The following ILDR1 variants were observed in gnomAD, a reference collection of about 807,000 sequenced individuals.
The protein encoded by ILDR1 is immunoglobulin-like domain-containing receptor 1.
In ILDR1, 56 loss-of-function variants were observed where a neutral mutation model predicts 62.4. The ratio of observed to expected loss-of-function variants is 0.90; its 90% CI spans 0.72 to 1.12. The LOEUF (loss-of-function observed/expected upper bound fraction) is 1.12, where lower values mean the gene tolerates loss of function less well. ILDR1 is among the 50% of genes most tolerant of loss of function. The pLI is 0.00. For missense variants in ILDR1, 736 were observed against 710.6 expected (o/e 1.04, Z -0.41); for synonymous variants, 284 against 277.8 (o/e 1.02, Z -0.22).
At chr3:122,047,185 G>T in the ILDR1 span, among the ~76,000 whole-genome samples, 1 of 150,632 alleles carries the variant, frequency 6.6e-6, no homozygotes, top group African/African-American at 2.4e-5. Context: ...GCCGTGTGAG[G>T]TGTCAGTGTG....
the ILDR1 span, among the ~76,000 whole-genome samples, chr3:122,030,219 T>C: frequency 2.0e-5 from 3 of 152,010 alleles, no homozygotes; most frequent in Non-Finnish European, 4.4e-5. Flanking sequence ...CAAGGACAAA[T>C]GGGGGCTGCA....
chr3:122,037,285 G>A, the ILDR1 span, among the ~76,000 whole-genome samples: 1 of 152,184 alleles, frequency 6.6e-6, no homozygotes, highest in Non-Finnish European at 1.5e-5. Context: ...ACCTGAAAAA[G>A]CCTCAGGCAC....
the ILDR1 span, among the ~76,000 whole-genome samples, chr3:122,042,023 GTCA>G: frequency 1.6e-5 from 2 of 123,812 alleles, no homozygotes; most frequent in Non-Finnish European, 3.3e-5. Flanking sequence ...CCACTAACTC[GTCA>G]TCTAGCATTA....
chr3:122,040,472 A>C, the ILDR1 span, among the ~76,000 whole-genome samples: 1 of 151,884 alleles, frequency 6.6e-6, no homozygotes, highest in Non-Finnish European at 1.5e-5. Context: ...TATAAAAAAT[A>C]ATATCTTAGA....
chr3:122,021,357 A>T (rs996867210), intron 1 of ILDR1, among the ~76,000 whole-genome samples: 2 of 152,194 alleles, frequency 1.3e-5, no homozygotes, highest in Non-Finnish European at 2.9e-5. Context: ...CAGGACACAC[A>T]CAGAGATACA....
chr3:122,045,627 G>C, the ILDR1 span, among the ~76,000 whole-genome samples: 1 of 151,290 alleles, frequency 6.6e-6, no homozygotes, highest in African/African-American at 2.4e-5. Flanking sequence ...ATATATTTAG[G>C]ATAGTTAGCT....
At chr3:122,047,576 C>G in the ILDR1 span, among the ~76,000 whole-genome samples, 1 of 152,180 alleles carries the variant, frequency 6.6e-6, no homozygotes, top group African/African-American at 2.4e-5. Flanking sequence ...ATTCCGTGGG[C>G]GTAGGACCCT....
chr3:121,994,486 G>A (rs925875578), intron 5 of ILDR1, among the ~76,000 whole-genome samples, 173 bp from the exon 6 acceptor site: 6 of 152,186 alleles, frequency 3.9e-5, no homozygotes, highest in African/African-American at 1.4e-4. Flanking sequence ...TCCCCCTGGC[G>A]AGGAGCTGGA....
At chr3:122,046,614 G>A in the ILDR1 span, among the ~76,000 whole-genome samples, 19 of 150,970 alleles carry the variant, frequency 1.3e-4, no homozygotes, top group East Asian at 3.9e-4. Context: ...GGCTTTGCTC[G>A]TTTCTTTTTA....
rs935200469 is a variant in ILDR1 at position 121,997,240 on chromosome 3, C to T, written c.647-2927G>A. Among the ~76,000 whole-genome samples the T allele has an allele frequency of 1.1e-4, 17 of 152,302 alleles. No homozygotes were observed. In the South Asian group the frequency reaches 3.5e-3, roughly 32 times the overall value. ...AACCTATGGTCACTTAGTCTATTTG[C>T]TTTCTCCAAAACTACCAGTCCTCCC... On this transcript the variant is annotated intron_variant, in intron 5 of 7. Coordinates refer to ENST00000344209, the MANE Select transcript of ILDR1 (RefSeq NM_001199799.2).
intron 3 of ILDR1, 136 bp downstream of exon 3, chr3:122,005,108 T>C (rs1255495293): frequency 1.0e-5 from 7 of 686,910 alleles, no homozygotes; most frequent in South Asian, 9.2e-5. Context: ...GGCACTTTCC[T>C]CAAACAATGA....
intron 1 of ILDR1, among the ~76,000 whole-genome samples, chr3:122,016,155 T>C (rs1030993567): frequency 1.3e-5 from 2 of 152,212 alleles, no homozygotes; most frequent in African/African-American, 4.8e-5. Context: ...TAAGCTCCTA[T>C]CCAGCAGTCT....
the ILDR1 span, among the ~76,000 whole-genome samples, chr3:122,047,145 C>A: frequency 1.0e-4 from 15 of 148,034 alleles, no homozygotes; most frequent in Admixed American, 2.0e-4. Flanking sequence ...ACAGACAGGA[C>A]CCTCAGCTGC....
At chr3:122,046,444 T>A in the ILDR1 span, among the ~76,000 whole-genome samples, 1 of 143,828 alleles carries the variant, frequency 7.0e-6, no homozygotes, top group Non-Finnish European at 1.5e-5. Flanking sequence ...TCTCTGTATT[T>A]CCTGAATCTG....
chr3:122,039,814 T>C, the ILDR1 span, among the ~76,000 whole-genome samples: 1 of 152,050 alleles, frequency 6.6e-6, no homozygotes, highest in Non-Finnish European at 1.5e-5. Flanking sequence ...TATAACAATG[T>C]ATTATGTGTT....
At chr3:122,023,489 T>G (rs1576741087), upstream of ILDR1, among the ~76,000 whole-genome samples, 5 of 152,214 alleles carry the variant, frequency 3.3e-5, no homozygotes, top group South Asian at 1.0e-3. Context: ...AAGTCGATAT[T>G]TTTTCTCCTG....
the ILDR1 span, among the ~76,000 whole-genome samples, chr3:122,028,095 A>C: frequency 6.6e-6 from 1 of 152,020 alleles, no homozygotes; most frequent in Non-Finnish European, 1.5e-5. Flanking sequence ...TGGGAGGCCA[A>C]GGCGGGCAGA....
At chr3:122,033,732 C>T in the ILDR1 span, among the ~76,000 whole-genome samples, 2 of 152,154 alleles carry the variant, frequency 1.3e-5, no homozygotes, top group South Asian at 4.1e-4. Context: ...AGCACATTTT[C>T]ATTGAAAATG....
Position 121,997,227 on chromosome 3 carries a change from C to T in ILDR1, c.647-2914G>A, listed in dbSNP as rs564548283. Among the ~76,000 whole-genome samples the T allele has an allele frequency of 8.5e-5, 13 of 152,306 alleles. No homozygotes were observed. In the South Asian group the frequency reaches 2.5e-3, roughly 29 times the overall value. On this transcript the variant is annotated intron_variant, in intron 5 of 7. Transcript: ENST00000344209. Reference sequence around the variant, plus strand: ...TTGCCCTTCTTTTAACCTATGGTCACTTAGTCTATTTGCTTTCTCCAAAAC... The same window carrying T: ...TTGCCCTTCTTTTAACCTATGGTCATTTAGTCTATTTGCTTTCTCCAAAAC...
Sources: gnomAD v4.1 joint callset for allele counts (sites outside exome capture counted in the v4.1 genomes callset) on GRCh38, gnomAD v4.1.1 for gene constraint, MANE v1.5 for transcripts, NCBI Gene and HGNC (gene_info 2026-07-23, HGNC 2026-07-21) for gene names.